EYA1: variants seen among roughly 807,000 people sequenced by gnomAD.
EYA1 encodes protein phosphatase EYA1.
A neutral mutation model predicts 82.0 loss-of-function variants in EYA1; 16 were observed. The observed-to-expected ratio is 0.20, with a 90% CI of 0.13 to 0.30. The LOEUF (loss-of-function observed/expected upper bound fraction) is 0.30. Ranked by LOEUF, EYA1 falls within the 10% of genes least tolerant of loss-of-function variation. The pLI is 1.00. For missense variants in EYA1, 633 were observed against 730.7 expected, an observed-to-expected ratio of 0.87 and a Z score of 1.54; for synonymous variants, 261 against 264.4, an observed-to-expected ratio of 0.99 and a Z score of 0.12.
At chr8:71,535,652 C>T in intron 2 of EYA1, 2 of 939,872 alleles carry the variant, frequency 2.1e-6, no homozygotes, top group South Asian at 3.3e-5. Context: ...GAGCTTTTGA[C>T]AATCTTCCAG....
chr8:71,251,974 C>T (rs1035910740), intron 11 of EYA1, among the ~76,000 whole-genome samples: 3 of 151,990 alleles, frequency 2.0e-5, no homozygotes, highest in Non-Finnish European at 4.4e-5. Context: ...TGTCTGTCAG[C>T]TTTGAATTCA....
At chr8:71,391,731 C>A (rs1473014109) in intron 2 of EYA1, among the ~76,000 whole-genome samples, 1 of 152,180 alleles carries the variant, frequency 6.6e-6, no homozygotes, top group Non-Finnish European at 1.5e-5. Flanking sequence ...TTGGGACTTA[C>A]CCAGGTGTGA....
chr8:71,286,608 T>C (rs1256062271), intron 9 of EYA1, among the ~76,000 whole-genome samples: 4 of 152,102 alleles, frequency 2.6e-5, no homozygotes, highest in African/African-American at 9.7e-5. Flanking sequence ...AGAATAGAAA[T>C]AGACATTTTC....
intron 2 of EYA1, among the ~76,000 whole-genome samples, chr8:71,474,733 A>G (rs1809515347): frequency 1.3e-5 from 2 of 152,332 alleles, no homozygotes; most frequent in Admixed American, 1.3e-4. Flanking sequence ...ATTATTTATA[A>G]TTAAAAGGAA....
In EYA1 at chr8:71,447,278, C is replaced by A. The variant is rs574584071; in HGVS notation, c.33+88466G>T. On this transcript the variant is annotated intron_variant, in intron 2 of 18. Coordinates refer to the EYA1 transcript ENST00000643681. ...ACTTCTACTAAATGGCTACCTATCA[C>A]CATTCCTAATCTATTTTTTTTAAGT... Among the ~76,000 whole-genome samples, 161 of 152,158 alleles carry A rather than the reference C, an allele frequency of 1.1e-3. No individual in the cohort carries two copies. In the Middle Eastern group the frequency reaches 0.024, roughly 23 times the overall value.
In EYA1 at chr8:71,463,575, TTC is replaced by T. The variant is rs776367934; in HGVS notation, c.33+72167_33+72168del. 7.0e-3 allele frequency among the ~76,000 whole-genome samples: 288 copies of T among 41,162 alleles called. 1 individual carries two copies. Among genetic ancestry groups the T allele is most frequent in the Middle Eastern group, 0.022 (1 of 46 alleles). The allele number at this position is 41,162 out of a possible 152,430, so 27.0% of individuals were successfully genotyped here. A position where few individuals can be genotyped will look rare whatever the true frequency, so the allele number is the denominator to read the frequency against. On this transcript the variant is annotated intron_variant, in intron 2 of 18. Transcript: ENST00000643681. ...GGTTATTTCTTAAGAAATACATGCTTTCTCTCTCTCTCTCTCTCTCTCTCTCT... is the reference window on the plus strand; with the variant it reads ...GGTTATTTCTTAAGAAATACATGCTTTCTCTCTCTCTCTCTCTCTCTCTCT...
intron 2 of EYA1, among the ~76,000 whole-genome samples, chr8:71,488,915 T>G (rs1322865283): frequency 1.3e-5 from 2 of 152,218 alleles, no homozygotes; most frequent in African/African-American, 4.8e-5. Context: ...CATTAGAAAT[T>G]AGGCTTTAGA....
At chr8:71,232,500 G>A (rs551231943) in intron 12 of EYA1, among the ~76,000 whole-genome samples, 1 of 152,290 alleles carries the variant, frequency 6.6e-6, no homozygotes, top group Admixed American at 6.5e-5. Context: ...CATTTTCTAT[G>A]AGGGACAGCA....
rs185373471 is a variant in EYA1 at position 71,451,779 on chromosome 8, T to C, written c.33+83965A>G. On this transcript the variant is annotated intron_variant, in intron 2 of 18. Transcript: ENST00000643681. ...GAGATCATTTCATCAAGACTTAGCA[T>C]ATGCAGGTGTGGTTCCAAGATGGCC... 4.9e-4 allele frequency among the ~76,000 whole-genome samples: 75 copies of C among 152,322 alleles called. No homozygotes were observed. In the East Asian group the frequency reaches 5.0e-3, roughly 10 times the overall value.
intron 2 of EYA1, among the ~76,000 whole-genome samples, chr8:71,430,981 G>C (rs1200683053): frequency 1.3e-5 from 2 of 151,828 alleles, no homozygotes; most frequent in African/African-American, 2.4e-5. Context: ...TAAGTCCTTT[G>C]TAGAGTCAAG....
intron 16 of EYA1, among the ~76,000 whole-genome samples, chr8:71,214,806 C>T (rs796456163): frequency 2.6e-5 from 4 of 152,244 alleles, no homozygotes; most frequent in African/African-American, 9.6e-5. Flanking sequence ...CTGTCTGCTT[C>T]CCCTGAGAAC....
chr8:71,363,037 C>T (rs990354991), upstream of EYA1, among the ~76,000 whole-genome samples: 1 of 152,072 alleles, frequency 6.6e-6, no homozygotes, highest in Non-Finnish European at 1.5e-5. Flanking sequence ...CTCGTTGTAA[C>T]CAATTTTGTG....
At chr8:71,443,268 A>G (rs1419947763) in intron 2 of EYA1, among the ~76,000 whole-genome samples, 1 of 152,226 alleles carries the variant, frequency 6.6e-6, no homozygotes, top group African/African-American at 2.4e-5. Flanking sequence ...GAGACAGATT[A>G]GGATTTCAGA....
intron 11 of EYA1, among the ~76,000 whole-genome samples, chr8:71,266,030 C>T (rs949450649): frequency 1.3e-5 from 2 of 152,216 alleles, no homozygotes; most frequent in African/African-American, 4.8e-5. Flanking sequence ...GTACACATTG[C>T]TGTAACATGC....
At chr8:71,489,184 G>A (rs35941437) in intron 2 of EYA1, among the ~76,000 whole-genome samples, 19,312 of 152,124 alleles carry the variant, frequency 0.13, 1,500 homozygotes, top group Non-Finnish European at 0.17. Context: ...AACACACATC[G>A]ATTGGTTTGT....
At chr8:71,315,972 C>T in intron 7 of EYA1, among the ~76,000 whole-genome samples, 1 of 151,828 alleles carries the variant, frequency 6.6e-6, no homozygotes, top group East Asian at 1.9e-4. Flanking sequence ...GGAAAATAGA[C>T]TCTTAAAAAT....
intron 4 of EYA1, among the ~76,000 whole-genome samples, chr8:71,333,677 A>G (rs914512230): frequency 6.6e-6 from 1 of 152,246 alleles, no homozygotes; most frequent in Non-Finnish European, 1.5e-5. Flanking sequence ...TTAGATCTAT[A>G]GTTGATATGA....
intron 2 of EYA1, among the ~76,000 whole-genome samples, chr8:71,394,751 T>C (rs1417711913): frequency 6.6e-6 from 1 of 152,062 alleles, no homozygotes; most frequent in African/African-American, 2.4e-5. Context: ...GTTCTTTTGC[T>C]TTAGGATTGT....
At chr8:71,321,514 G>A (rs534790316) in intron 6 of EYA1, among the ~76,000 whole-genome samples, 1 of 152,174 alleles carries the variant, frequency 6.6e-6, no homozygotes, top group South Asian at 2.1e-4. Context: ...GAGCAAGAAG[G>A]CATACGAACC....
Sources: allele counts gnomAD v4.1 joint callset (sites outside exome capture counted in the v4.1 genomes callset), GRCh38; gene constraint gnomAD v4.1.1; transcripts MANE v1.5; gene names NCBI Gene and HGNC (gene_info 2026-07-23, HGNC 2026-07-21).